PDZRN3: variants seen among roughly 807,000 people sequenced by gnomAD.
PDZRN3 encodes E3 ubiquitin-protein ligase PDZRN3.
A neutral mutation model predicts 85.7 loss-of-function variants in PDZRN3; 38 were observed. The ratio of observed to expected loss-of-function variants is 0.44; its 90% CI spans 0.34 to 0.58. PDZRN3 has a LOEUF of 0.58. PDZRN3 is among the 20% of genes least tolerant of loss of function. PDZRN3 has a pLI of 0.01. For missense variants in PDZRN3, 1,629 were observed against 1,506.4 expected (o/e 1.08, Z -1.35); for synonymous variants, 759 against 638.0 (o/e 1.19, Z -2.86).
At chr3:73,437,279 C>A (rs1015288845) in intron 3 of PDZRN3, among the ~76,000 whole-genome samples, 1 of 152,098 alleles carries the variant, frequency 6.6e-6, no homozygotes, top group African/African-American at 2.4e-5. Flanking sequence ...TTTACATCTT[C>A]CAAAAGCTCT....
chr3:73,511,155 T>C (rs1483916297), intron 3 of PDZRN3, among the ~76,000 whole-genome samples: 1 of 152,226 alleles, frequency 6.6e-6, no homozygotes, highest in Non-Finnish European at 1.5e-5. Context: ...TTCTCTTTCA[T>C]GCTTTTCTCT....
chr3:73,386,015 A>ATT (rs113116274), intron 8 of PDZRN3, among the ~76,000 whole-genome samples: 15 of 146,778 alleles, frequency 1.0e-4, no homozygotes, highest in African/African-American at 3.7e-4. Context: ...AATATCCATG[A>ATT]TTTTTTTTTT....
intron 3 of PDZRN3, among the ~76,000 whole-genome samples, chr3:73,562,999 ATATATATATATATATTTTTT>A (rs1701857846): frequency 3.1e-5 from 1 of 32,676 alleles, no homozygotes; most frequent in African/African-American, 1.3e-4. Flanking sequence ...ATATATATAT[ATATATATATATATATTTTTT>A]TTTTTTTTTT....
At chr3:73,603,103 G>A (rs1336571341) in intron 2 of PDZRN3, among the ~76,000 whole-genome samples, 2 of 152,230 alleles carry the variant, frequency 1.3e-5, no homozygotes, top group African/African-American at 2.4e-5. Flanking sequence ...TTTTCAGAGA[G>A]TTTATACTTA....
chr3:73,448,117 C>T (rs1702786810), intron 3 of PDZRN3, among the ~76,000 whole-genome samples: 2 of 152,122 alleles, frequency 1.3e-5, no homozygotes, highest in Non-Finnish European at 2.9e-5. Context: ...TTTCATCACC[C>T]GTAAATAAGC....
At chr3:73,415,134 T>A (rs1475132857) in intron 3 of PDZRN3, among the ~76,000 whole-genome samples, 3 of 152,052 alleles carry the variant, frequency 2.0e-5, no homozygotes, top group Non-Finnish European at 4.4e-5. Flanking sequence ...AAGTTGACAG[T>A]CTGGTGAAGG....
chr3:73,401,023 C>T lies in PDZRN3; in HGVS notation c.1167-14G>A. 6.4e-7 allele frequency: 1 copy of T among 1,567,260 alleles called. No homozygotes were observed. The highest frequency in any genetic ancestry group is 8.8e-7 in the Non-Finnish European group (1 of 1,137,330). On this transcript the variant is annotated splice_polypyrimidine_tract_variant and intron_variant, in intron 4 of 9. Transcript: ENST00000263666. ...GCTGAGGGATGCCTGAAAAGAGATGCAACATCTTTACAGCCCTTCTTCCGT... is the reference window on the plus strand; with the variant it reads ...GCTGAGGGATGCCTGAAAAGAGATGTAACATCTTTACAGCCCTTCTTCCGT...
chr3:73,459,477 T>C (rs1703057894), intron 3 of PDZRN3, among the ~76,000 whole-genome samples: 1 of 151,954 alleles, frequency 6.6e-6, no homozygotes, highest in Non-Finnish European at 1.5e-5. Context: ...CCAATAGTTA[T>C]TTTTTTTCTG....
At chr3:73,582,179 G>A (rs905924987) in intron 3 of PDZRN3, among the ~76,000 whole-genome samples, 4 of 152,166 alleles carry the variant, frequency 2.6e-5, no homozygotes, top group African/African-American at 9.7e-5. Flanking sequence ...GCTACGGAAG[G>A]CTTTGTGCTG....
chr3:73,569,879 G>C (rs1702019783), intron 3 of PDZRN3, among the ~76,000 whole-genome samples: 1 of 152,206 alleles, frequency 6.6e-6, no homozygotes, highest in African/African-American at 2.4e-5. Flanking sequence ...TTCATCATCT[G>C]TAAATGGAAA....
At chr3:73,408,588 A>G (rs1017320390) in intron 3 of PDZRN3, among the ~76,000 whole-genome samples, 16 of 146,466 alleles carry the variant, frequency 1.1e-4, no homozygotes, top group South Asian at 4.5e-4. Context: ...TTCTTGGAGG[A>G]GGGGGGGGGG....
intron 3 of PDZRN3, among the ~76,000 whole-genome samples, chr3:73,565,628 G>T: frequency 1.3e-5 from 2 of 151,920 alleles, no homozygotes; most frequent in Non-Finnish European, 2.9e-5. Flanking sequence ...TTTCCAAGCC[G>T]ACTCTTCATT....
chr3:73,499,406 C>T (rs902395341), intron 3 of PDZRN3, among the ~76,000 whole-genome samples: 7 of 152,176 alleles, frequency 4.6e-5, no homozygotes, highest in African/African-American at 1.4e-4. Context: ...GTAGGCTGAG[C>T]CATGAGCCGC....
At chr3:73,556,077 T>C (rs542313724) in intron 3 of PDZRN3, among the ~76,000 whole-genome samples, 8 of 152,310 alleles carry the variant, frequency 5.3e-5, no homozygotes, top group African/African-American at 1.7e-4. Flanking sequence ...GACTGAGAAA[T>C]CCTCTTAACT....
intron 3 of PDZRN3, among the ~76,000 whole-genome samples, chr3:73,512,323 C>A (rs1704180728): frequency 6.6e-6 from 1 of 152,214 alleles, no homozygotes. Context: ...ACAGATGATT[C>A]TAAATTGTTC....
At chr3:73,598,051 G>T (rs976168001) in intron 3 of PDZRN3, among the ~76,000 whole-genome samples, 3 of 152,036 alleles carry the variant, frequency 2.0e-5, no homozygotes, top group Non-Finnish European at 4.4e-5. Context: ...TCACATTTTT[G>T]CCTTCTCCTA....
chr3:73,404,928 TGGA>T (rs1701824194), intron 3 of PDZRN3, among the ~76,000 whole-genome samples: 2 of 152,310 alleles, frequency 1.3e-5, no homozygotes, highest in East Asian at 3.9e-4. Flanking sequence ...CAAGTTATTA[TGGA>T]GAAGGAATTC....
chr3:73,416,875 G>GTTTTTTTTTTTTTT (rs1491373717), intron 3 of PDZRN3, among the ~76,000 whole-genome samples: 2 of 40,748 alleles, frequency 4.9e-5, no homozygotes, highest in African/African-American at 1.5e-4. Context: ...GTTTTTTTTT[G>GTTTTTTTTTTTTTT]GTTTTTTTTT....
At position 73,400,815 on chromosome 3, in the gene PDZRN3, T is replaced by G. The variant is rs1045645289; in HGVS notation, c.1254+107A>C. ...TCAGTAAAAGTGGTTCTGCTTTTGT[T>G]ACTTTCCATCGGCATCCGTAAACTA... is the stretch of plus-strand genomic sequence containing the variant. On this transcript the variant is annotated intron_variant, in intron 5 of 9. Coordinates refer to ENST00000263666, the MANE Select transcript of PDZRN3 (RefSeq NM_015009.3). The G allele has an allele frequency of 1.9e-5, 15 of 804,050 alleles. No homozygotes were observed. In the African/African-American group the frequency reaches 2.5e-4, roughly 14 times the overall value. The allele number at this position is 804,050 out of a possible 1,614,324, so 49.8% of individuals were successfully genotyped here.
Sources: allele counts gnomAD v4.1 joint callset (sites outside exome capture counted in the v4.1 genomes callset), GRCh38; gene constraint gnomAD v4.1.1; transcripts MANE v1.5; gene names NCBI Gene and HGNC (gene_info 2026-07-23, HGNC 2026-07-21).